Variants in ANKFN1 observed in about 807,000 individuals in gnomAD.
ANKFN1 encodes ankyrin repeat and fibronectin type III domain containing 1.
ANKFN1 carries 74 observed loss-of-function variants against 108.7 expected under a neutral mutation model. The observed-to-expected ratio is 0.68, with a 90% CI of 0.56 to 0.83. ANKFN1 has a LOEUF of 0.83. ANKFN1 is among the 40% of genes least tolerant of loss of function. ANKFN1 has a pLI of 0.00. For missense variants in ANKFN1, 1,505 were observed against 1,382.3 expected (o/e 1.09, Z -1.41); for synonymous variants, 547 against 516.2 (o/e 1.06, Z -0.81).
intron 11 of ANKFN1, among the ~76,000 whole-genome samples, chr17:56,453,592 C>G (rs564979385): frequency 6.6e-6 from 1 of 152,160 alleles, no homozygotes; most frequent in African/African-American, 2.4e-5. Context: ...TTGCCTTTTA[C>G]TACCATATTG....
At chr17:56,436,339 G>A (rs371916699) in intron 8 of ANKFN1, among the ~76,000 whole-genome samples, 29 of 152,222 alleles carry the variant, frequency 1.9e-4, no homozygotes, top group African/African-American at 6.3e-4. Context: ...GAGCCATTGC[G>A]CAATTAAGCC....
chr17:56,510,768 C>T lies in ANKFN1; in HGVS notation c.2940C>T (p.Pro980=). 1.3e-6 allele frequency: 2 copies of T among 1,536,164 alleles called. No individual in the cohort carries two copies. The highest frequency in any genetic ancestry group is 2.4e-5 in the South Asian group (2 of 84,068). Residue 980 remains proline (P), a synonymous_variant, in exon 21 of 21, where the codon CCC becomes CCT. Coordinates refer to ENST00000682825, the MANE Select transcript of ANKFN1 (RefSeq NM_001370326.1). ...GCCTGACCCTCACGGGGTTCACACC[C>T]AAGAACCACGCCAAGACTGTGTCCG... ...LHSLTLTGFT[P]KNHAKTVSGG...
intron 4 of ANKFN1, among the ~76,000 whole-genome samples, chr17:56,047,660 C>T (rs1560470): frequency 0.45 from 68,176 of 151,744 alleles, 18,154 homozygotes; most frequent in Middle Eastern, 0.65. Context: ...GTTCTCCCCA[C>T]GCTTCCCCTC....
chr17:56,168,681 G>A (rs1281026382), intron 1 of ANKFN1, among the ~76,000 whole-genome samples: 2 of 152,058 alleles, frequency 1.3e-5, no homozygotes, highest in Admixed American at 1.3e-4. Flanking sequence ...GGTTTAGTTC[G>A]TTTGTTTTCA....
intron 1 of ANKFN1, among the ~76,000 whole-genome samples, chr17:56,208,759 T>C (rs1043457601): frequency 6.6e-6 from 1 of 152,216 alleles, no homozygotes; most frequent in Non-Finnish European, 1.5e-5. Flanking sequence ...GCAGCAGCTT[T>C]AAGAGTACAT....
At chr17:56,314,881 C>T (rs2144467587) in intron 3 of ANKFN1, among the ~76,000 whole-genome samples, 1 of 152,218 alleles carries the variant, frequency 6.6e-6, no homozygotes, top group Middle Eastern at 3.4e-3. Context: ...TTTACATTAA[C>T]TGAAAGCAAC....
intron 8 of ANKFN1, among the ~76,000 whole-genome samples, chr17:56,419,121 A>C (rs1249327748): frequency 6.6e-6 from 1 of 152,002 alleles, no homozygotes; most frequent in Non-Finnish European, 1.5e-5. Flanking sequence ...CAGTTGGCCA[A>C]CCCCCAGTCA....
chr17:56,071,441 A>G (rs752175726), intron 4 of ANKFN1, among the ~76,000 whole-genome samples: 2 of 152,168 alleles, frequency 1.3e-5, no homozygotes, highest in Non-Finnish European at 2.9e-5. Flanking sequence ...TCTCCAGCTA[A>G]AAGAAAAACT....
At chr17:56,415,661 T>C (rs1006468745) in intron 8 of ANKFN1, among the ~76,000 whole-genome samples, 2 of 152,116 alleles carry the variant, frequency 1.3e-5, no homozygotes, top group African/African-American at 4.8e-5. Context: ...ATAGATTCAA[T>C]GCAATCCCTA....
chr17:56,498,083 A>G (rs1334793954), intron 19 of ANKFN1, among the ~76,000 whole-genome samples: 1 of 152,178 alleles, frequency 6.6e-6, no homozygotes. Flanking sequence ...TATCATTAAA[A>G]TGACTTTGAT....
rs546860152 is a variant in ANKFN1 at position 56,076,705 on chromosome 17, AAATG to A, written c.288+30383_288+30386del. Among the ~76,000 whole-genome samples, 512 of 152,338 alleles carry A rather than the reference AAATG, an allele frequency of 3.4e-3. 1 individual carries two copies. Among genetic ancestry groups the A allele is most frequent in the Admixed American group, 8.0e-3 (123 of 15,302 alleles). ...ACCTTATAGTATTGTTATAAGGACT[AAATG>A]AAGTAACTTTTGTAATGCAACCAGC... On this transcript the variant is annotated intron_variant, in intron 4 of 12. Transcript: ENST00000635860.
chr17:56,368,941 CT>C lies in ANKFN1; in HGVS notation c.602-3703del, dbSNP rs1418547101. Among the ~76,000 whole-genome samples, 5 of 152,198 alleles carry C rather than the reference CT, an allele frequency of 3.3e-5. No individual in the cohort carries two copies. The East Asian group carries it at 9.6e-4, about 29-fold the overall frequency. On this transcript the variant is annotated intron_variant, in intron 6 of 20. Transcript: ENST00000682825. ...CTGGTTCACATCCTACCCCTTTGCA[CT>C]TGTGGCAACAGATAAGTTTGCAGTT... is the stretch of plus-strand genomic sequence containing the variant.
intron 8 of ANKFN1, among the ~76,000 whole-genome samples, chr17:56,391,916 T>C (rs2047451306): frequency 6.6e-6 from 1 of 152,218 alleles, no homozygotes; most frequent in Admixed American, 6.5e-5. Context: ...AGTTAATTAA[T>C]GTATTTACTC....
At chr17:56,491,063 G>A (rs1479016742) in intron 18 of ANKFN1, among the ~76,000 whole-genome samples, 13 of 152,124 alleles carry the variant, frequency 8.5e-5, no homozygotes, top group Admixed American at 8.5e-4. Flanking sequence ...CCATTTTGAG[G>A]TAGTGTGGTT....
chr17:56,457,918 C>T lies in ANKFN1; in HGVS notation c.1496C>T (p.Ser499Leu), dbSNP rs1349738971. The T allele has an allele frequency of 6.2e-7, 1 of 1,614,080 alleles. No homozygotes were observed. Among genetic ancestry groups the T allele is most frequent in the Non-Finnish European group, 8.5e-7 (1 of 1,179,998 alleles). The change falls in exon 14 of 21, where the codon TCA (serine) becomes TTA (leucine). Residue 499 changes from serine (S) to leucine (L), a missense_variant. Coordinates refer to ENST00000682825, the MANE Select transcript of ANKFN1 (RefSeq NM_001370326.1). Reference protein sequence around the residue: ...RWLRQSIPISSSSSTVLQTRQ... With the variant: ...RWLRQSIPISLSSSTVLQTRQ... The stretch of plus-strand genomic sequence containing the variant: ...CTGAGGCAAAGCATACCAATATCCT[C>T]ATCCTCATCCACAGTGCTGCAAACT...
At chr17:56,172,861 C>A (rs1910804962) in intron 1 of ANKFN1, among the ~76,000 whole-genome samples, 1 of 152,170 alleles carries the variant, frequency 6.6e-6, no homozygotes, top group African/African-American at 2.4e-5. Context: ...TGGAACCAGC[C>A]AGCAGACAGG....
At chr17:56,074,207 A>G (rs1319881346) in intron 4 of ANKFN1, among the ~76,000 whole-genome samples, 1 of 152,192 alleles carries the variant, frequency 6.6e-6, no homozygotes, top group Non-Finnish European at 1.5e-5. Context: ...GCATGTGAGA[A>G]GAGGCACTGA....
intron 4 of ANKFN1, among the ~76,000 whole-genome samples, chr17:56,129,302 A>G (rs182436922): frequency 1.0e-3 from 154 of 152,314 alleles, no homozygotes; most frequent in African/African-American, 3.2e-3. Flanking sequence ...TTCAGCCCCA[A>G]TGCAGCACCC....
intron 3 of ANKFN1, among the ~76,000 whole-genome samples, chr17:56,307,620 A>G (rs1281694111): frequency 2.6e-5 from 4 of 152,190 alleles, no homozygotes; most frequent in Non-Finnish European, 4.4e-5. Context: ...ACACTTTTAC[A>G]CTGTTGGTGG....
Sources: allele counts gnomAD v4.1 joint callset (sites outside exome capture counted in the v4.1 genomes callset), GRCh38; gene constraint gnomAD v4.1.1; transcripts MANE v1.5; gene names NCBI Gene and HGNC (gene_info 2026-07-23, HGNC 2026-07-21).